Variants in XRCC3 observed in about 807,000 individuals in gnomAD.
XRCC3 encodes X-ray repair cross complementing 3.
XRCC3 carries 34 observed loss-of-function variants against 29.2 expected under a neutral mutation model. That is an observed-to-expected ratio of 1.16 (90% CI 0.88 to 1.55). The LOEUF is 1.55. XRCC3 is among the 40% of genes most tolerant of loss of function. The pLI is 0.00. For missense variants in XRCC3, 463 were observed against 467.6 expected (o/e 0.99, Z 0.09); for synonymous variants, 223 against 211.3 (o/e 1.06, Z -0.48).
intron 9 of XRCC3, 23 bp from the exon 10 acceptor site, chr14:103,699,040 G>A: frequency 6.4e-7 from 1 of 1,571,122 alleles, no homozygotes; most frequent in Non-Finnish European, 8.6e-7. Flanking sequence ...AAGCAGGCAA[G>A]CTGGCGCTCA....
At chr14:103,707,337 C>A in intron 5 of XRCC3, 122 bp from the exon 6 acceptor site, 1 of 1,256,124 alleles carries the variant, frequency 8.0e-7, no homozygotes, top group Non-Finnish European at 1.1e-6. Context: ...CAGGTGCCTG[C>A]GGTCATGGGG....
chr14:103,707,733 A>C, intron 5 of XRCC3: 1 of 207,842 alleles, frequency 4.8e-6, no homozygotes, highest in Non-Finnish European at 9.9e-6. Context: ...GCCATTTGAC[A>C]CAGCCTCCTC....
Position 103,698,197 on chromosome 14 carries a change from C to T in XRCC3, c.*601G>A, listed in dbSNP as rs118143436. ...TGACACTGGAGGTTGGTGGGATATG[C>T]TTTCTCCACCTTGTACCACACTGAA... On this transcript the variant is annotated 3_prime_UTR_variant, in exon 10 of 10. Transcript: ENST00000555055. 157 of 160,660 alleles carry T rather than the reference C, an allele frequency of 9.8e-4. 3 individuals carry two copies. In the East Asian group the frequency reaches 0.021, roughly 21 times the overall value. The allele number at this position is 160,660 out of a possible 1,614,324, so 10.0% of individuals were successfully genotyped here. A position where few individuals can be genotyped will look rare whatever the true frequency, so the allele number is the denominator to read the frequency against.
At chr14:103,706,219 G>A in intron 6 of XRCC3, 1 of 430,462 alleles carries the variant, frequency 2.3e-6, no homozygotes, top group Non-Finnish European at 4.7e-6. Flanking sequence ...GAGGGTGGCA[G>A]AGGTGAGGTT....
intron 7 of XRCC3, chr14:103,701,603 G>C (rs1042044435): frequency 6.0e-5 from 10 of 166,284 alleles, no homozygotes; most frequent in Admixed American, 2.5e-4. Context: ...TGGCGGGCGC[G>C]GTGGCTCACG....
chr14:103,709,455 G>A (rs1243017136), intron 4 of XRCC3: 1 of 153,718 alleles, frequency 6.5e-6, no homozygotes, highest in African/African-American at 2.4e-5. Context: ...CACCACATCA[G>A]AAACCCCCTC....
intron 6 of XRCC3, 82 bp downstream of exon 6, chr14:103,706,921 G>A (rs2083455997): frequency 6.2e-6 from 9 of 1,444,468 alleles, no homozygotes; most frequent in Non-Finnish European, 8.4e-6. Flanking sequence ...GGCGGCCACT[G>A]CCCCACCTCA....
intron 1 of XRCC3, among the ~76,000 whole-genome samples, chr14:103,714,685 T>C (rs148235356): frequency 6.6e-6 from 1 of 152,190 alleles, no homozygotes. Context: ...CTTCTTTTTT[T>C]TGTGTGCTTT....
rs1430579641 is a variant in XRCC3, at chr14:103,708,521, C to T, written c.193+1G>A. On this transcript the variant is annotated splice_donor_variant, in intron 5 of 9. Coordinates refer to ENST00000555055, the MANE Select transcript of XRCC3 (RefSeq NM_005432.4). LOFTEE classifies it high-confidence loss of function. The stretch of plus-strand genomic sequence containing the variant: ...TGGCAGAGATGCCAGGGCCCACCTA[C>T]CTGTAAGGATGCTGCTTCCCCGCAA... The T allele has an allele frequency of 1.2e-6, 2 of 1,613,940 alleles. No individual in the cohort carries two copies. The highest frequency in any genetic ancestry group is 2.2e-5 in the South Asian group (2 of 91,082).
rs781687008 is a variant in XRCC3, at chr14:103,698,650, C to T, written c.*148G>A. 2.0e-5 allele frequency: 15 copies of T among 737,404 alleles called. No homozygotes were observed. The highest frequency in any genetic ancestry group is 8.1e-5 in the East Asian group (3 of 37,016). 45.7% of individuals were successfully genotyped at this position (737,404 alleles called of 1,614,324 possible). A position where few individuals can be genotyped will look rare whatever the true frequency, so the allele number is the denominator to read the frequency against. On this transcript the variant is annotated 3_prime_UTR_variant, in exon 10 of 10. Coordinates refer to ENST00000555055, the MANE Select transcript of XRCC3 (RefSeq NM_005432.4). ...GGGGTCAGTCTGTGGCCACCATCTTCGGATGAGAAAGTGGAGCCGCTGCCC... is the reference window on the plus strand; with the variant it reads ...GGGGTCAGTCTGTGGCCACCATCTTTGGATGAGAAAGTGGAGCCGCTGCCC...
intron 4 of XRCC3, chr14:103,710,754 ACT>A: frequency 4.8e-6 from 2 of 415,610 alleles, no homozygotes; most frequent in Non-Finnish European, 8.7e-6. Context: ...AAAAAAAAAA[ACT>A]AAAAGACTTT....
intron 2 of XRCC3, chr14:103,711,937 G>T (rs1295314522): frequency 2.8e-6 from 1 of 352,776 alleles, no homozygotes; most frequent in Non-Finnish European, 5.6e-6. Context: ...CCGGGTCCAG[G>T]ATCCATGTCC....
intron 4 of XRCC3, chr14:103,710,171 T>C (rs997747301): frequency 6.6e-6 from 1 of 152,116 alleles, no homozygotes; most frequent in African/African-American, 2.4e-5. Flanking sequence ...CGAAAAAAGA[T>C]GCTGTAAGAA....
chr14:103,708,419 G>T, intron 5 of XRCC3, 103 bp downstream of exon 5: 1 of 1,548,122 alleles, frequency 6.5e-7, no homozygotes, highest in Non-Finnish European at 8.8e-7. Context: ...ACGCCCTGAG[G>T]CTGGTCCCTG....
chr14:103,703,581 T>C (rs902813386), intron 6 of XRCC3: 18 of 519,304 alleles, frequency 3.5e-5, no homozygotes, highest in Middle Eastern at 1.0e-3. Flanking sequence ...GGACTTCCCC[T>C]GTCCTGGGCC....
Position 103,698,642 on chromosome 14 carries a change from A to G in XRCC3, c.*156T>C, listed in dbSNP as rs2082782075. ...CTCAGATGGGGGTCAGTCTGTGGCC[A>G]CCATCTTCGGATGAGAAAGTGGAGC... On this transcript the variant is annotated 3_prime_UTR_variant, in exon 10 of 10. Transcript: ENST00000555055. 1.4e-6 allele frequency: 1 copy of G among 714,508 alleles called. No individual in the cohort carries two copies. Among genetic ancestry groups the G allele is most frequent in the Middle Eastern group, 3.8e-4 (1 of 2,602 alleles). 44.3% of individuals were successfully genotyped at this position (714,508 alleles called of 1,614,324 possible).
intron 7 of XRCC3, chr14:103,699,911 C>T (rs3212105): frequency 2.6e-6 from 1 of 384,370 alleles, no homozygotes; most frequent in African/African-American, 2.1e-5. Context: ...GGTCTGCTCT[C>T]CTTCTGCCAT....
At chr14:103,700,359 C>T (rs1006897960) in intron 7 of XRCC3, 16 of 372,520 alleles carry the variant, frequency 4.3e-5, no homozygotes, top group Admixed American at 1.8e-4. Context: ...TGGGTGCTGC[C>T]GTGGCCTGTG....
chr14:103,701,992 C>T (rs769595095), intron 7 of XRCC3: 7 of 152,268 alleles, frequency 4.6e-5, no homozygotes, highest in Non-Finnish European at 1.0e-4. Flanking sequence ...AATTTCCTTA[C>T]TTGCCTTTGG....
Sources: gnomAD v4.1 joint callset for allele counts (sites outside exome capture counted in the v4.1 genomes callset) on GRCh38, gnomAD v4.1.1 for gene constraint, MANE v1.5 for transcripts, NCBI Gene and HGNC (gene_info 2026-07-23, HGNC 2026-07-21) for gene names.